Variants in FCRLB observed in about 807,000 individuals in gnomAD.
FCRLB encodes the protein Fc receptor like B.
FCRLB carries 34 observed loss-of-function variants against 33.6 expected under a neutral mutation model. The ratio of observed to expected loss-of-function variants is 1.01; its 90% CI spans 0.77 to 1.35. The LOEUF (loss-of-function observed/expected upper bound fraction) is 1.35, where lower values mean the gene tolerates loss of function less well. Among genes scored for constraint, FCRLB ranks in the 40% most tolerant of loss-of-function variants. The pLI, the probability that FCRLB is intolerant of heterozygous loss-of-function variation, is 0.00. For missense variants in FCRLB, 560 were observed against 580.2 expected, an observed-to-expected ratio of 0.97 and a Z score of 0.36; for synonymous variants, 280 against 255.9, an observed-to-expected ratio of 1.09 and a Z score of -0.90.
Position 161,726,025 on chromosome 1 carries a change from C to T in FCRLB, c.512C>T (p.Thr171Ile), listed in dbSNP as rs750758965. The stretch of plus-strand genomic sequence containing the variant: ...AGCGGGCGCTACCAGTGCTCGGGCA[C>T]CATGCGCATCCCGGTGGAGAGCGCG... Residue 171 changes from threonine to isoleucine, a missense_variant, in exon 6 of 8, where the codon ACC (threonine) becomes ATC (isoleucine). Physicochemically the swap from Thr to Ile is moderately conservative, Grantham distance 89. Coordinates refer to ENST00000367948, the Ensembl canonical transcript of FCRLB. This position sits in a 1 kb window ranked among gnomAD's most constrained non-coding sequence, Gnocchi z 5.2. 1.2e-6 allele frequency: 2 copies of T among 1,613,866 alleles called. No individual in the cohort carries two copies. The highest frequency in any genetic ancestry group is 2.2e-5 in the South Asian group (2 of 91,044).
Position 161,726,126 on chromosome 1 carries a change from G to A in FCRLB, c.574+39G>A, listed in dbSNP as rs879657773. 11 of 1,608,846 alleles carry A rather than the reference G, an allele frequency of 6.8e-6. No homozygotes were observed. The highest frequency in any genetic ancestry group is 1.7e-4 in the Middle Eastern group (1 of 6,060). The stretch of plus-strand genomic sequence containing the variant: ...GGGGCCCCGGGAGGGAGGCAAATGA[G>A]CATTGAGAAATTCTGGGACAGGAGC... On this transcript the variant is annotated intron_variant, in intron 6 of 7. Transcript: ENST00000367948. This position sits in a 1 kb window ranked among gnomAD's most constrained non-coding sequence, Gnocchi z 5.2.
exon 8 of FCRLB, chr1:161,727,840 A>G: frequency 1.5e-6 from 1 of 676,258 alleles, no homozygotes; most frequent in Non-Finnish European, 2.4e-6. Context: ...TTGTAACCGC[A>G]AGCATTCTCT....
intron 4 of FCRLB, 130 bp from the exon 5 acceptor site, chr1:161,723,237 G>T: frequency 8.5e-7 from 1 of 1,174,276 alleles, no homozygotes; most frequent in Non-Finnish European, 1.2e-6. Flanking sequence ...CTGCAGGGAT[G>T]GGTTAGTACA....
chr1:161,727,416 C>T, exon 8 of FCRLB: 2 of 1,613,200 alleles, frequency 1.2e-6, no homozygotes, highest in Admixed American at 3.3e-5. Context: ...CGGCGAGCGG[C>T]GCCCCGACTG....
exon 5 of FCRLB, chr1:161,723,399 C>A (rs758344159): frequency 6.6e-5 from 106 of 1,613,984 alleles, no homozygotes; most frequent in East Asian, 8.9e-5. Flanking sequence ...GTCTCTACAT[C>A]CACCTTGGAC....
At chr1:161,725,128 A>G (rs1683497870) in intron 5 of FCRLB, among the ~76,000 whole-genome samples, 1 of 152,200 alleles carries the variant, frequency 6.6e-6, no homozygotes, top group African/African-American at 2.4e-5. Flanking sequence ...GGGAGAGGTA[A>G]GCAGGACCCA....
chr1:161,722,849 T>G, intron 3 of FCRLB, 140 bp from the exon 4 acceptor site: 1 of 1,492,606 alleles, frequency 6.7e-7, no homozygotes, highest in African/African-American at 1.4e-5. Flanking sequence ...GAAGGGGCTT[T>G]CTCAGAGCTT....
Position 161,727,372 on chromosome 1 carries a change from G to A in FCRLB, c.991G>A (p.Val331Ile), listed in dbSNP as rs751604139. 5.6e-6 allele frequency: 9 copies of A among 1,613,498 alleles called. No individual in the cohort carries two copies. The Admixed American group carries it at 1.3e-4, about 24-fold the overall frequency. The stretch of plus-strand genomic sequence containing the variant: ...CAGATCGGTCCCGTTGGTCACCTCC[G>A]TCCGGAACACCACCTCCACCGGGCT... Residue 331 changes from valine to isoleucine, a missense_variant, in exon 8 of 8, where the codon GTC becomes ATC. Coordinates refer to ENST00000367948, the Ensembl canonical transcript of FCRLB.
At position 161,726,002 on chromosome 1, in the gene FCRLB, CG is replaced by C; in HGVS notation, c.492del (p.Arg165AlafsTer24). The C allele has an allele frequency of 6.2e-7, 1 of 1,614,150 alleles. No homozygotes were observed. Among genetic ancestry groups the C allele is most frequent in the Non-Finnish European group, 8.5e-7 (1 of 1,180,000 alleles). Reference sequence around the variant, plus strand: ...TGTTACAGGCGCGTGCCAGCGACAGCGGGCGCTACCAGTGCTCGGGCACCAT... The same window carrying C: ...TGTTACAGGCGCGTGCCAGCGACAGCGGCGCTACCAGTGCTCGGGCACCAT... On this transcript the variant is annotated frameshift_variant, in exon 6 of 8. Coordinates refer to ENST00000367948, the Ensembl canonical transcript of FCRLB. LOFTEE classifies it high-confidence loss of function. This position sits in a 1 kb window ranked among gnomAD's most constrained non-coding sequence, Gnocchi z 5.2.
chr1:161,727,527 A>G (rs1419769973), exon 8 of FCRLB: 1 of 1,614,102 alleles, frequency 6.2e-7, no homozygotes, highest in Non-Finnish European at 8.5e-7. Context: ...AGCTGCTCAA[A>G]GGCCTTCTGA....
In FCRLB at chr1:161,724,553, T is replaced by A. The variant is rs376758850; in HGVS notation, c.307+932T>A. On this transcript the variant is annotated intron_variant, in intron 5 of 7. Coordinates refer to ENST00000367948, the Ensembl canonical transcript of FCRLB. ...CGGAAGTTGCAGTGAGCTGAGATCG[T>A]GCACTCCTAGCCACAATTTGTATTC... is the stretch of plus-strand genomic sequence containing the variant. Among the ~76,000 whole-genome samples, 38 of 152,250 alleles carry A rather than the reference T, an allele frequency of 2.5e-4. 1 individual carries two copies. Among genetic ancestry groups the A allele is most frequent in the African/African-American group, 9.1e-4 (38 of 41,544 alleles).
chr1:161,723,101 TG>T, intron 4 of FCRLB, 92 bp downstream of exon 4: 1 of 1,491,180 alleles, frequency 6.7e-7, no homozygotes. Context: ...ACTTCTTGGC[TG>T]CGCTGGGATA....
At chr1:161,727,808 G>C in exon 8 of FCRLB, 5 of 957,944 alleles carry the variant, frequency 5.2e-6, no homozygotes, top group Non-Finnish European at 7.6e-6. Context: ...AGTGGCTGAC[G>C]ATTTCAACCT....
chr1:161,726,007 G>C lies in FCRLB; in HGVS notation c.494G>C (p.Arg165Pro). The change falls in exon 6 of 8, where the codon CGC (arginine) becomes CCC (proline). Residue 165 changes from arginine (R) to proline (P), a missense_variant. Transcript: ENST00000367948. This position sits in a 1 kb window ranked among gnomAD's most constrained non-coding sequence, Gnocchi z 5.2. ...CAGGCGCGTGCCAGCGACAGCGGGC[G>C]CTACCAGTGCTCGGGCACCATGCGC... 1 of 1,614,122 alleles carries C rather than the reference G, an allele frequency of 6.2e-7. No individual in the cohort carries two copies. The highest frequency in any genetic ancestry group is 1.1e-5 in the South Asian group (1 of 91,058).
chr1:161,722,846 C>A, intron 3 of FCRLB, 143 bp downstream of exon 3: 3 of 1,483,796 alleles, frequency 2.0e-6, no homozygotes, highest in Non-Finnish European at 9.3e-7. Context: ...GAAGAAGGGG[C>A]TTTCTCAGAG....
At position 161,726,117 on chromosome 1, in the gene FCRLB, G is replaced by A. The variant is rs1278937377; in HGVS notation, c.574+30G>A. On this transcript the variant is annotated intron_variant, in intron 6 of 7. Transcript: ENST00000367948. This position sits in a 1 kb window ranked among gnomAD's most constrained non-coding sequence, Gnocchi z 5.2. ...GAGAGACCAGGGGCCCCGGGAGGGA[G>A]GCAAATGAGCATTGAGAAATTCTGG... The A allele has an allele frequency of 2.5e-6, 4 of 1,607,048 alleles. No homozygotes were observed. The highest frequency in any genetic ancestry group is 3.4e-6 in the Non-Finnish European group (4 of 1,175,116).
In FCRLB at chr1:161,726,519, C is replaced by A. The variant is rs1479250183; in HGVS notation, c.575-184C>A. On this transcript the variant is annotated intron_variant, in intron 6 of 7. Coordinates refer to ENST00000367948, the Ensembl canonical transcript of FCRLB. This position sits in a 1 kb window ranked among gnomAD's most constrained non-coding sequence, Gnocchi z 5.2. ...TTCCTTTCAAGCTTTCCCCGTCCCT[C>A]GTGGACTCGGTCCCCCTGCCCCACA... The A allele has an allele frequency of 2.3e-6, 2 of 859,628 alleles. No homozygotes were observed. Among genetic ancestry groups the A allele is most frequent in the East Asian group, 2.6e-5 (1 of 37,930 alleles). 53.3% of individuals were successfully genotyped at this position (859,628 alleles called of 1,614,324 possible). A position where few individuals can be genotyped will look rare whatever the true frequency, so the allele number is the denominator to read the frequency against.
chr1:161,726,311 C>A lies in FCRLB; in HGVS notation c.574+224C>A. ...CCCCGACGCACATCCTGGCTTCTCA[C>A]TCTGGCTGGGGACTCCCACAGAGAG... is the stretch of plus-strand genomic sequence containing the variant. On this transcript the variant is annotated intron_variant, in intron 6 of 7. Coordinates refer to ENST00000367948, the Ensembl canonical transcript of FCRLB. The surrounding 1 kb of genome is among the most constrained non-coding windows in gnomAD (Gnocchi z 5.2). 2.4e-6 allele frequency: 2 copies of A among 844,130 alleles called. No homozygotes were observed. Among genetic ancestry groups the A allele is most frequent in the Non-Finnish European group, 3.9e-6 (2 of 515,978 alleles). 52.3% of individuals were successfully genotyped at this position (844,130 alleles called of 1,614,324 possible).
chr1:161,727,200 A>T, intron 7 of FCRLB, 47 bp from the exon 8 acceptor site: 1 of 1,446,802 alleles, frequency 6.9e-7, no homozygotes, highest in South Asian at 1.3e-5. Flanking sequence ...CCCAGCGCCG[A>T]GAAGAACCAT....
Sources: gnomAD v4.1 joint callset for allele counts (sites outside exome capture counted in the v4.1 genomes callset) on GRCh38, gnomAD v4.1.1 for gene constraint, Gnocchi (gnomAD v3.1) non-coding constraint, MANE v1.5 for transcripts, NCBI Gene and HGNC (gene_info 2026-07-23, HGNC 2026-07-21) for gene names.